MTUS2: variants seen among roughly 807,000 people sequenced by gnomAD.
MTUS2 encodes the protein microtubule-associated tumor suppressor candidate 2.
MTUS2 carries 40 observed loss-of-function variants against 114.1 expected under a neutral mutation model. That is an observed-to-expected ratio of 0.35 (90% CI 0.27 to 0.46). MTUS2 has a LOEUF of 0.46. MTUS2 is among the 20% of genes least tolerant of loss of function. The probability of loss-of-function intolerance (pLI) is 1.00; values close to 1 mark genes in which losing one functional copy is unlikely to be tolerated. For missense variants in MTUS2, 1,679 were observed against 1,705.4 expected (o/e 0.98, Z 0.27); for synonymous variants, 688 against 672.0 (o/e 1.02, Z -0.37).
chr13:28,988,856 A>G (rs1000134445), intron 2 of MTUS2, among the ~76,000 whole-genome samples: 4 of 152,078 alleles, frequency 2.6e-5, no homozygotes, highest in East Asian at 1.9e-4. Flanking sequence ...ATAAAGTTCT[A>G]TTTCCCCCCT....
rs368546590 is a variant in MTUS2 at position 29,168,659 on chromosome 13, C to T, written c.2644+67689C>T. On this transcript the variant is annotated intron_variant, in intron 5 of 15. Transcript: ENST00000612955. ...TTTTTGGGCAGGAAGATGGGATAGG[C>T]GTTCAAATGTGACACTACTGACAAC... Among the ~76,000 whole-genome samples the T allele has an allele frequency of 1.2e-4, 19 of 152,110 alleles. 1 individual carries two copies. Among genetic ancestry groups the T allele is most frequent in the Admixed American group, 9.8e-4 (15 of 15,262 alleles).
At chr13:29,360,711 A>G (rs994091247) in intron 8 of MTUS2, among the ~76,000 whole-genome samples, 12 of 130,786 alleles carry the variant, frequency 9.2e-5, no homozygotes, top group African/African-American at 3.0e-4. Flanking sequence ...CGTAAGAATT[A>G]AAGTTACAAA....
At chr13:28,945,272 C>T (rs1882466100) in intron 2 of MTUS2, among the ~76,000 whole-genome samples, 1 of 141,464 alleles carries the variant, frequency 7.1e-6, no homozygotes. Context: ...GTGAATAGTG[C>T]TATAATAAAC....
intron 8 of MTUS2, among the ~76,000 whole-genome samples, chr13:29,416,829 T>G (rs3125719): frequency 0.51 from 46,635 of 91,906 alleles, 9,257 homozygotes; most frequent in African/African-American, 0.63. Context: ...CTAGAGGTTT[T>G]GTTTTGTTTT....
At chr13:28,906,127 T>A (rs1420697764) in intron 2 of MTUS2, among the ~76,000 whole-genome samples, 1 of 151,576 alleles carries the variant, frequency 6.6e-6, no homozygotes, top group Admixed American at 6.6e-5. Context: ...TTATTGTGTC[T>A]GTTTGATTCT....
chr13:29,424,344 A>G (rs1252231881), intron 8 of MTUS2, among the ~76,000 whole-genome samples: 1 of 147,642 alleles, frequency 6.8e-6, no homozygotes, highest in Non-Finnish European at 1.5e-5. Context: ...ACAAATATGT[A>G]TCAATTTAAA....
chr13:28,888,648 C>T (rs1026547280), intron 2 of MTUS2, among the ~76,000 whole-genome samples: 6 of 152,112 alleles, frequency 3.9e-5, no homozygotes, highest in Admixed American at 1.3e-4. Flanking sequence ...TCTCGAACTC[C>T]TGACCTCAGG....
intron 2 of MTUS2, among the ~76,000 whole-genome samples, chr13:28,891,835 G>A (rs1451406450): frequency 4.0e-5 from 5 of 123,670 alleles, no homozygotes; most frequent in South Asian, 5.1e-4. Context: ...CCGAGATCAC[G>A]CCACTGCACA....
intron 2 of MTUS2, among the ~76,000 whole-genome samples, chr13:29,001,823 G>A (rs1039651135): frequency 2.0e-5 from 3 of 152,182 alleles, no homozygotes; most frequent in Non-Finnish European, 2.9e-5. Context: ...TAAGAGGGAG[G>A]CAGGAGTGTC....
At chr13:29,165,024 T>TCTCAATGGCTTG (rs1284383861) in intron 5 of MTUS2, among the ~76,000 whole-genome samples, 1 of 152,186 alleles carries the variant, frequency 6.6e-6, no homozygotes, top group African/African-American at 2.4e-5. Context: ...AAAGCTGGAA[T>TCTCAATGGCTTG]CTCAATGGCT....
rs1265260837 is a variant in MTUS2 at position 29,480,119 on chromosome 13, T to C, written c.3185-31T>C. On this transcript the variant is annotated intron_variant, in intron 9 of 15. Transcript: ENST00000612955. This position sits in a 1 kb window ranked among gnomAD's most constrained non-coding sequence, Gnocchi z 4.4. ...CTTCCCATGCCTCCTACGGCCATTT[T>C]TTAAAGAAAGATCTTGTGCTTTGCG... 2 of 1,549,664 alleles carry C rather than the reference T, an allele frequency of 1.3e-6. No homozygotes were observed. The highest frequency in any genetic ancestry group is 1.4e-5 in the African/African-American group (1 of 73,098).
At chr13:29,407,447 CTTAT>C (rs199911224) in intron 8 of MTUS2, among the ~76,000 whole-genome samples, 7,255 of 139,302 alleles carry the variant, frequency 0.052, 486 homozygotes, top group African/African-American at 0.16. Flanking sequence ...AGTGATTGTA[CTTAT>C]TTATTTATTT....
At chr13:28,931,754 G>A (rs1007837279) in intron 2 of MTUS2, among the ~76,000 whole-genome samples, 1 of 152,046 alleles carries the variant, frequency 6.6e-6, no homozygotes, top group Non-Finnish European at 1.5e-5. Context: ...ATGTATACAT[G>A]TGCCATGTTG....
intron 4 of MTUS2, among the ~76,000 whole-genome samples, chr13:29,090,399 A>G (rs1178126155): frequency 6.6e-6 from 1 of 151,858 alleles, no homozygotes; most frequent in Non-Finnish European, 1.5e-5. Flanking sequence ...CCTGTGGGAG[A>G]GTTCACTGTG....
chr13:28,955,585 C>T (rs753486778), intron 2 of MTUS2, among the ~76,000 whole-genome samples: 27 of 152,082 alleles, frequency 1.8e-4, no homozygotes, highest in South Asian at 4.1e-4. Context: ...AATGGATGGC[C>T]GTGTCTGAGA....
intron 6 of MTUS2, among the ~76,000 whole-genome samples, chr13:29,290,824 G>A (rs529642382): frequency 6.6e-6 from 1 of 152,268 alleles, no homozygotes; most frequent in Non-Finnish European, 1.5e-5. Context: ...TGCCCCATAT[G>A]TGCAGTCGTG....
chr13:28,919,106 A>C (rs1880903741), intron 2 of MTUS2, among the ~76,000 whole-genome samples: 1 of 152,172 alleles, frequency 6.6e-6, no homozygotes, highest in South Asian at 2.1e-4. Flanking sequence ...AGTAGTTTAC[A>C]CAGCACACTT....
intron 2 of MTUS2, among the ~76,000 whole-genome samples, chr13:28,996,215 T>A (rs991082228): frequency 2.6e-5 from 4 of 152,256 alleles, no homozygotes; most frequent in Non-Finnish European, 5.9e-5. Flanking sequence ...GATTTTCGTA[T>A]GTTGAACCAG....
chr13:29,220,954 A>G (rs1212492855), intron 5 of MTUS2, among the ~76,000 whole-genome samples: 7 of 152,228 alleles, frequency 4.6e-5, no homozygotes, highest in Admixed American at 1.3e-4. Flanking sequence ...ATTACAAACT[A>G]TATATCAATT....
Sources: gnomAD v4.1 joint callset for allele counts (sites outside exome capture counted in the v4.1 genomes callset) on GRCh38, gnomAD v4.1.1 for gene constraint, Gnocchi (gnomAD v3.1) non-coding constraint, MANE v1.5 for transcripts, NCBI Gene and HGNC (gene_info 2026-07-23, HGNC 2026-07-21) for gene names.